The following ASIC2 variants were observed in gnomAD, a reference collection of about 807,000 sequenced individuals.
ASIC2 encodes acid sensing ion channel subunit 2, also known as acid-sensing ion channel 2.
In ASIC2, 25 loss-of-function variants were observed where a neutral mutation model predicts 57.3. The ratio of observed to expected loss-of-function variants is 0.44; its 90% CI spans 0.32 to 0.61. ASIC2 has a LOEUF of 0.61. ASIC2 is among the 20% of genes least tolerant of loss of function. The pLI is 0.06. For synonymous variants in ASIC2, 319 were observed against 307.5 expected (o/e 1.04, Z -0.39); for missense variants, 641 against 738.1 (o/e 0.87, Z 1.52).
At chr17:33,275,202 A>G (rs1904656243) in intron 1 of ASIC2, among the ~76,000 whole-genome samples, 1 of 152,028 alleles carries the variant, frequency 6.6e-6, no homozygotes, top group African/African-American at 2.4e-5. Flanking sequence ...CAAAATGGTA[A>G]TTTCTCTCTG....
At chr17:33,815,689 C>T (rs1250134615) in intron 1 of ASIC2, among the ~76,000 whole-genome samples, 5 of 152,142 alleles carry the variant, frequency 3.3e-5, no homozygotes, top group Non-Finnish European at 7.3e-5. Flanking sequence ...AGCTTATTAC[C>T]ACTCCCTAAA....
intron 1 of ASIC2, among the ~76,000 whole-genome samples, chr17:33,665,642 T>A (rs1004497045): frequency 8.5e-5 from 13 of 152,216 alleles, no homozygotes; most frequent in Non-Finnish European, 1.9e-4. Context: ...TCTCAGAATC[T>A]CTCTTCCCAA....
chr17:33,017,133 C>T (rs951139497), intron 8 of ASIC2, among the ~76,000 whole-genome samples: 1 of 152,310 alleles, frequency 6.6e-6, no homozygotes, highest in Middle Eastern at 3.4e-3. Flanking sequence ...CTGGGAAGTG[C>T]CCCTTCCCTA....
chr17:33,849,414 G>A (rs1913703158), intron 1 of ASIC2, among the ~76,000 whole-genome samples: 1 of 152,186 alleles, frequency 6.6e-6, no homozygotes, highest in Non-Finnish European at 1.5e-5. Context: ...GGAGACTGAG[G>A]AATGAGGGGT....
chr17:33,193,695 T>C (rs1906518575), intron 1 of ASIC2, among the ~76,000 whole-genome samples: 1 of 152,148 alleles, frequency 6.6e-6, no homozygotes, highest in Non-Finnish European at 1.5e-5. Flanking sequence ...GGGATCTTGT[T>C]ATGATGCAGA....
intron 1 of ASIC2, among the ~76,000 whole-genome samples, chr17:34,080,003 T>TA (rs1338937057): frequency 6.6e-6 from 1 of 152,170 alleles, no homozygotes; most frequent in Non-Finnish European, 1.5e-5. Flanking sequence ...GATCCCCACT[T>TA]AAATGCAGTA....
At chr17:33,641,313 C>A (rs1475444986) in intron 1 of ASIC2, among the ~76,000 whole-genome samples, 3 of 152,200 alleles carry the variant, frequency 2.0e-5, no homozygotes, top group Non-Finnish European at 4.4e-5. Context: ...AACAGAAGAA[C>A]CCACCTTCAC....
At chr17:33,297,185 TC>T (rs1218367409), upstream of ASIC2, among the ~76,000 whole-genome samples, 3 of 152,224 alleles carry the variant, frequency 2.0e-5, no homozygotes, top group Non-Finnish European at 4.4e-5. Flanking sequence ...GACCATCCTT[TC>T]TTCTCCAGGC....
At position 33,292,569 on chromosome 17, in the gene ASIC2, C is replaced by T. The variant is rs1905538027; in HGVS notation, c.-454G>A. On this transcript the variant is annotated 5_prime_UTR_variant, in exon 1 of 10. An upstream open reading frame in the 5' UTR gains an earlier in-frame stop. Coordinates refer to ENST00000225823, the MANE Select transcript of ASIC2 (RefSeq NM_183377.2). ...TTTTACGCTGGTCCTGGGAGAAGGG[C>T]CACTCGGCCACCATGCCTGATCTGG... 1.0e-6 allele frequency: 1 copy of T among 985,698 alleles called. No homozygotes were observed. The highest frequency in any genetic ancestry group is 1.7e-5 in the African/African-American group (1 of 57,254). The allele number at this position is 985,698 out of a possible 1,614,324, so 61.1% of individuals were successfully genotyped here.
At chr17:33,358,134 G>A (rs1344100203) in intron 1 of ASIC2, among the ~76,000 whole-genome samples, 1 of 152,202 alleles carries the variant, frequency 6.6e-6, no homozygotes, top group African/African-American at 2.4e-5. Flanking sequence ...GCTAAGAATG[G>A]ATTTTGGTTC....
intron 1 of ASIC2, among the ~76,000 whole-genome samples, chr17:33,939,106 T>A (rs1044040220): frequency 6.6e-6 from 1 of 152,262 alleles, no homozygotes; most frequent in African/African-American, 2.4e-5. Context: ...GCCTCACCCC[T>A]TCTTACTGCC....
intron 1 of ASIC2, among the ~76,000 whole-genome samples, chr17:33,671,773 TC>T (rs770133248): frequency 1.5e-4 from 23 of 152,096 alleles, no homozygotes; most frequent in Non-Finnish European, 3.2e-4. Context: ...GGGTCCTGAG[TC>T]GCGAGATGCA....
At chr17:33,598,701 G>A (rs950500373) in intron 1 of ASIC2, among the ~76,000 whole-genome samples, 1 of 152,162 alleles carries the variant, frequency 6.6e-6, no homozygotes, top group African/African-American at 2.4e-5. Context: ...CATGTATAGA[G>A]CCTATTACAG....
chr17:33,765,781 G>T (rs1324917029), intron 1 of ASIC2, among the ~76,000 whole-genome samples: 2 of 152,208 alleles, frequency 1.3e-5, no homozygotes, highest in African/African-American at 4.8e-5. Flanking sequence ...AGTCAGATGG[G>T]GTTAGAGGAT....
At chr17:33,306,205 ATTTTAGGGTTTT>A (rs1391052102) in intron 1 of ASIC2, among the ~76,000 whole-genome samples, 12 of 152,196 alleles carry the variant, frequency 7.9e-5, no homozygotes, top group Admixed American at 6.5e-4. Context: ...TATCAGAAAC[ATTTTAGGGTTTT>A]GTTCCATAGG....
intron 1 of ASIC2, among the ~76,000 whole-genome samples, chr17:33,206,309 G>A (rs1907060042): frequency 6.6e-6 from 1 of 152,116 alleles, no homozygotes; most frequent in Non-Finnish European, 1.5e-5. Context: ...AGGGAGGGAG[G>A]GAGAGGGAAG....
chr17:33,848,158 A>G (rs900247004), intron 1 of ASIC2, among the ~76,000 whole-genome samples: 3 of 152,142 alleles, frequency 2.0e-5, no homozygotes, highest in African/African-American at 7.2e-5. Flanking sequence ...GGCAACCAGA[A>G]GGGCAGCCCT....
At chr17:33,576,931 T>C (rs547672687) in intron 1 of ASIC2, among the ~76,000 whole-genome samples, 1 of 152,310 alleles carries the variant, frequency 6.6e-6, no homozygotes, top group South Asian at 2.1e-4. Context: ...AGAGTTGTTG[T>C]AAGGGTTATA....
intron 1 of ASIC2, among the ~76,000 whole-genome samples, chr17:33,993,652 T>A (rs752704570): frequency 2.0e-5 from 3 of 152,226 alleles, no homozygotes; most frequent in Non-Finnish European, 2.9e-5. Context: ...GTTCTGCCTA[T>A]AGAAAATGAA....
Sources: allele counts gnomAD v4.1 joint callset (sites outside exome capture counted in the v4.1 genomes callset), GRCh38; gene constraint gnomAD v4.1.1; transcripts MANE v1.5; gene names NCBI Gene and HGNC (gene_info 2026-07-23, HGNC 2026-07-21).